Variants in MAP2K6 observed in about 807,000 individuals in gnomAD.
The protein encoded by MAP2K6 is dual specificity mitogen-activated protein kinase kinase 6.
Under a neutral mutation model 53.7 loss-of-function variants are expected in MAP2K6, and 16 were observed. The observed-to-expected ratio is 0.30, with a 90% CI of 0.20 to 0.45. The LOEUF is 0.45. Among genes scored for constraint, MAP2K6 ranks in the 20% least tolerant of loss-of-function variants. The pLI is 1.00. For synonymous variants in MAP2K6, 132 were observed against 143.1 expected, an observed-to-expected ratio of 0.92 and a Z score of 0.55; for missense variants, 204 against 411.9, an observed-to-expected ratio of 0.50 and a Z score of 4.37.
chr17:69,449,219 A>G (rs991443505), intron 1 of MAP2K6, among the ~76,000 whole-genome samples: 1 of 152,190 alleles, frequency 6.6e-6, no homozygotes, highest in Non-Finnish European at 1.5e-5. Context: ...TGATACTGGT[A>G]TCCAGGACAT....
At chr17:69,506,550 T>TA (rs1909494432) in intron 2 of MAP2K6, among the ~76,000 whole-genome samples, 1 of 152,136 alleles carries the variant, frequency 6.6e-6, no homozygotes, top group African/African-American at 2.4e-5. Flanking sequence ...ATAGAGGTGT[T>TA]AGAGAGACAG....
chr17:69,541,544 G>T, intron 11 of MAP2K6, 132 bp from the exon 12 acceptor site: 1 of 548,346 alleles, frequency 1.8e-6, no homozygotes, highest in East Asian at 3.3e-5. Flanking sequence ...TTTTGGAAAG[G>T]GTAGGAAAAG....
intron 1 of MAP2K6, among the ~76,000 whole-genome samples, chr17:69,484,061 C>A (rs565835170): frequency 3.3e-5 from 5 of 151,964 alleles, no homozygotes; most frequent in African/African-American, 1.2e-4. Flanking sequence ...ATAGCAAAAC[C>A]GTAAGCACCT....
At position 69,452,533 on chromosome 17, in the gene MAP2K6, T is replaced by C. The variant is rs539333351; in HGVS notation, c.16+37533T>C. 2.1e-3 allele frequency among the ~76,000 whole-genome samples: 317 copies of C among 152,280 alleles called. 1 individual carries two copies. The highest frequency in any genetic ancestry group is 3.7e-3 in the Non-Finnish European group (250 of 68,018). Reference sequence around the variant, plus strand: ...AGCCCTACCTGCCTCATAGGAAAATTTCAAGAAATCTAGATAACAGTAGAT... The same window carrying C: ...AGCCCTACCTGCCTCATAGGAAAATCTCAAGAAATCTAGATAACAGTAGAT... On this transcript the variant is annotated intron_variant, in intron 1 of 11. Transcript: ENST00000590474.
intron 1 of MAP2K6, among the ~76,000 whole-genome samples, chr17:69,449,489 CCTTT>C (rs145557739): frequency 5.9e-4 from 71 of 121,178 alleles, no homozygotes; most frequent in Non-Finnish European, 1.1e-3. Flanking sequence ...TGTTGGTTGT[CCTTT>C]CTTTCTTTTT....
At chr17:69,458,997 A>G (rs1907519620) in intron 1 of MAP2K6, among the ~76,000 whole-genome samples, 1 of 152,200 alleles carries the variant, frequency 6.6e-6, no homozygotes, top group Admixed American at 6.5e-5. Flanking sequence ...ATTTGGTTCT[A>G]ACCTCCTTTG....
intron 2 of MAP2K6, among the ~76,000 whole-genome samples, chr17:69,515,376 C>T (rs181945858): frequency 6.6e-5 from 10 of 152,038 alleles, no homozygotes; most frequent in African/African-American, 2.4e-4. Context: ...AGGCTGGTCT[C>T]GAACTCCTGA....
At chr17:69,461,826 A>G (rs904758544) in intron 1 of MAP2K6, among the ~76,000 whole-genome samples, 1 of 152,320 alleles carries the variant, frequency 6.6e-6, no homozygotes, top group Non-Finnish European at 1.5e-5. Flanking sequence ...CAGGCCAGCA[A>G]GATTCCATTT....
At chr17:69,430,668 A>C (rs1906433261) in intron 1 of MAP2K6, among the ~76,000 whole-genome samples, 1 of 152,198 alleles carries the variant, frequency 6.6e-6, no homozygotes, top group South Asian at 2.1e-4. Context: ...GTACCTGTAC[A>C]CAGCTCTCTA....
chr17:69,457,312 C>A (rs1907445378), intron 1 of MAP2K6, among the ~76,000 whole-genome samples: 1 of 152,176 alleles, frequency 6.6e-6, no homozygotes, highest in South Asian at 2.1e-4. Flanking sequence ...TTATCTGATG[C>A]CTGTGGACAC....
chr17:69,514,837 C>CA (rs1269341761), intron 2 of MAP2K6, among the ~76,000 whole-genome samples: 3 of 152,188 alleles, frequency 2.0e-5, no homozygotes, highest in African/African-American at 7.2e-5. Context: ...GCTGGGATTA[C>CA]AGGCGTGAGC....
intron 1 of MAP2K6, among the ~76,000 whole-genome samples, chr17:69,427,929 C>T (rs1164536118): frequency 3.3e-5 from 5 of 152,134 alleles, no homozygotes; most frequent in Admixed American, 2.0e-4. Flanking sequence ...TTTTCCATCC[C>T]GAGTTTCATT....
At chr17:69,540,764 A>G (rs1053123933) in intron 11 of MAP2K6, among the ~76,000 whole-genome samples, 1 of 152,178 alleles carries the variant, frequency 6.6e-6, no homozygotes, top group African/African-American at 2.4e-5. Context: ...GCACATAACT[A>G]GAGTTTGGCA....
chr17:69,514,108 TAAAAA>T (rs35309500), intron 2 of MAP2K6, among the ~76,000 whole-genome samples: 1 of 144,284 alleles, frequency 6.9e-6, no homozygotes, highest in Non-Finnish European at 1.5e-5. Flanking sequence ...GACTCTGTCT[TAAAAA>T]AAAAAAAAAA....
At position 69,545,094 on chromosome 17, in the gene MAP2K6, TTTG is replaced by T. The variant is rs1911824984; in HGVS notation, c.*3343_*3345del. On this transcript the variant is annotated 3_prime_UTR_variant, in exon 12 of 12. Coordinates refer to ENST00000590474, the MANE Select transcript of MAP2K6 (RefSeq NM_002758.4). The stretch of plus-strand genomic sequence containing the variant: ...GCTGGAGTTTTAGCATCATTGACTC[TTTG>T]TAAAACGCCATGTCATGGGCTCTGA... The T allele has an allele frequency of 6.6e-6, 1 of 152,226 alleles. No individual in the cohort carries two copies. The highest frequency in any genetic ancestry group is 6.5e-5 in the Admixed American group (1 of 15,286). 9.4% of individuals were successfully genotyped at this position (152,226 alleles called of 1,614,324 possible). A position where few individuals can be genotyped will look rare whatever the true frequency, so the allele number is the denominator to read the frequency against.
intron 1 of MAP2K6, among the ~76,000 whole-genome samples, chr17:69,456,139 G>A (rs1907404741): frequency 6.6e-6 from 1 of 152,144 alleles, no homozygotes; most frequent in African/African-American, 2.4e-5. Context: ...GGGATTACAG[G>A]CGTGAGCCAC....
At chr17:69,513,963 C>G (rs557448043) in intron 2 of MAP2K6, among the ~76,000 whole-genome samples, 2 of 152,156 alleles carry the variant, frequency 1.3e-5, no homozygotes, top group South Asian at 4.2e-4. Flanking sequence ...ACAACTACAA[C>G]GATTAGCCAG....
intron 11 of MAP2K6, among the ~76,000 whole-genome samples, chr17:69,537,343 T>TACTA (rs1309628648): frequency 3.3e-5 from 5 of 152,360 alleles, no homozygotes; most frequent in Admixed American, 2.6e-4. Flanking sequence ...AAGGAAGAGT[T>TACTA]ACGTTCATGC....
intron 1 of MAP2K6, among the ~76,000 whole-genome samples, chr17:69,473,446 A>T (rs1908045376): frequency 6.6e-6 from 1 of 152,220 alleles, no homozygotes; most frequent in African/African-American, 2.4e-5. Context: ...CTGTAAAGTA[A>T]TACACCAAAA....
Sources: gnomAD v4.1 joint callset for allele counts (sites outside exome capture counted in the v4.1 genomes callset) on GRCh38, gnomAD v4.1.1 for gene constraint, MANE v1.5 for transcripts, NCBI Gene and HGNC (gene_info 2026-07-23, HGNC 2026-07-21) for gene names.